ABLIM2: variants seen among roughly 807,000 people sequenced by gnomAD.
ABLIM2 encodes the protein actin-binding LIM protein 2.
A neutral mutation model predicts 97.7 loss-of-function variants in ABLIM2; 53 were observed. The ratio of observed to expected loss-of-function variants is 0.54; its 90% CI spans 0.44 to 0.68. The LOEUF (loss-of-function observed/expected upper bound fraction) is 0.68, where lower values mean the gene tolerates loss of function less well. ABLIM2 is among the 30% of genes least tolerant of loss of function. The pLI is 0.00. For missense variants in ABLIM2, 835 were observed against 867.2 expected, an observed-to-expected ratio of 0.96 and a Z score of 0.47; for synonymous variants, 361 against 345.8, an observed-to-expected ratio of 1.04 and a Z score of -0.49.
At chr4:8,109,867 G>A (rs1181520798) in intron 1 of ABLIM2, among the ~76,000 whole-genome samples, 2 of 152,252 alleles carry the variant, frequency 1.3e-5, no homozygotes, top group South Asian at 2.1e-4. Flanking sequence ...GTCTGCAGCC[G>A]CTGGAGGCCA....
In ABLIM2 at chr4:8,149,180, G is replaced by A. The variant is rs752797928; in HGVS notation, c.10+9500C>T. Among the ~76,000 whole-genome samples the A allele has an allele frequency of 1.3e-5, 2 of 152,190 alleles. No homozygotes were observed. The highest frequency in any genetic ancestry group is 2.4e-5 in the African/African-American group (1 of 41,442). ...CCTCCCTTCATCCTCAGAGCCAGGCGTGGAGACTTCTCTCTCCTCTCTGCT... is the reference window on the plus strand; with the variant it reads ...CCTCCCTTCATCCTCAGAGCCAGGCATGGAGACTTCTCTCTCCTCTCTGCT... On this transcript the variant is annotated intron_variant, in intron 1 of 20. Coordinates refer to ENST00000447017, the MANE Select transcript of ABLIM2 (RefSeq NM_001130083.2). The surrounding 1 kb of genome is among the most constrained non-coding windows in gnomAD (Gnocchi z 6.4).
chr4:8,090,021 C>T (rs1259244227), intron 3 of ABLIM2, among the ~76,000 whole-genome samples: 6 of 152,200 alleles, frequency 3.9e-5, no homozygotes, highest in Non-Finnish European at 8.8e-5. Flanking sequence ...GCATCCAGTA[C>T]CCTCGGTCCA....
At chr4:8,152,362 G>A (rs969034699) in intron 1 of ABLIM2, among the ~76,000 whole-genome samples, 3 of 152,150 alleles carry the variant, frequency 2.0e-5, no homozygotes, top group Non-Finnish European at 4.4e-5. Context: ...GGGACTCGCA[G>A]GCATTTCTTC....
intron 8 of ABLIM2, among the ~76,000 whole-genome samples, chr4:8,052,465 C>A (rs753676108): frequency 6.6e-6 from 1 of 152,238 alleles, no homozygotes. Context: ...AATGTGCCAG[C>A]TAGCTGCTGC....
chr4:7,984,742 G>A (rs988453860), intron 18 of ABLIM2, 97 bp downstream of exon 18: 1 of 1,346,574 alleles, frequency 7.4e-7, no homozygotes, highest in East Asian at 2.6e-5. Context: ...GGAGCCTTCT[G>A]CAGGCTGCGG....
At chr4:8,009,231 G>A (rs1763297208) in intron 14 of ABLIM2, 129 bp from the exon 15 acceptor site, 2 of 1,120,820 alleles carry the variant, frequency 1.8e-6, no homozygotes, top group African/African-American at 1.5e-5. Context: ...TAGTACGAGT[G>A]CCTTTCAAAG....
chr4:8,137,000 T>C (rs553078153), intron 1 of ABLIM2, among the ~76,000 whole-genome samples: 135 of 152,310 alleles, frequency 8.9e-4, no homozygotes, highest in Non-Finnish European at 1.3e-3. Context: ...AAAGAGCTCA[T>C]TGTCCCCTTC....
At position 7,970,691 on chromosome 4, in the gene ABLIM2, C is replaced by T. The variant is rs756343763; in HGVS notation, c.1825-3588G>A. ...GCCCTTGGGGATGACTGTGGGGGGG[C>T]GGTGGAGGGAGCATCTGGGTGGCTT... On this transcript the variant is annotated intron_variant, in intron 20 of 20. Coordinates refer to ENST00000447017, the MANE Select transcript of ABLIM2 (RefSeq NM_001130083.2). The surrounding 1 kb of genome is among the most constrained non-coding windows in gnomAD (Gnocchi z 5.3). Among the ~76,000 whole-genome samples, 3 of 150,216 alleles carry T rather than the reference C, an allele frequency of 2.0e-5. No homozygotes were observed. Among genetic ancestry groups the T allele is most frequent in the Non-Finnish European group, 4.4e-5 (3 of 67,512 alleles).
intron 1 of ABLIM2, among the ~76,000 whole-genome samples, chr4:8,153,897 G>A (rs933959567): frequency 4.0e-5 from 6 of 151,652 alleles, no homozygotes; most frequent in Non-Finnish European, 8.8e-5. Flanking sequence ...CACTGTTTCT[G>A]TAGAGTTGAC....
Position 8,125,484 on chromosome 4 carries a change from C to T in ABLIM2, c.11-18847G>A, listed in dbSNP as rs1847451251. On this transcript the variant is annotated intron_variant, in intron 1 of 20. Transcript: ENST00000447017. This position sits in a 1 kb window ranked among gnomAD's most constrained non-coding sequence, Gnocchi z 6.2. ...CTGATGGCCGCAGGTTTGCCTGGGG[C>T]CTTGGTGCCAGACTGCTTCTGGGAT... 6.6e-6 allele frequency among the ~76,000 whole-genome samples: 1 copy of T among 152,212 alleles called. No homozygotes were observed. The highest frequency in any genetic ancestry group is 2.1e-4 in the South Asian group (1 of 4,828).
chr4:8,064,058 A>G (rs1197217211), intron 6 of ABLIM2, among the ~76,000 whole-genome samples: 2 of 152,226 alleles, frequency 1.3e-5, no homozygotes, highest in Non-Finnish European at 2.9e-5. Flanking sequence ...GATCCTAGCC[A>G]ATAGAGGAAA....
At chr4:7,988,211 C>T (rs748765358) in intron 17 of ABLIM2, among the ~76,000 whole-genome samples, 1 of 152,032 alleles carries the variant, frequency 6.6e-6, no homozygotes, top group African/African-American at 2.4e-5. Flanking sequence ...TTAGTAGAGA[C>T]AGGGTTTCAC....
rs1232643608 is a variant in ABLIM2, at chr4:7,978,225, C to T, written c.1824+5039G>A. ...TCTCAGCCCGAGGCAGACAGGCAGC[C>T]GCTGCTGAGAAAAGAGGGGCATTCC... is the stretch of plus-strand genomic sequence containing the variant. On this transcript the variant is annotated intron_variant, in intron 20 of 20. Transcript: ENST00000447017. Among the ~76,000 whole-genome samples, 8 of 152,246 alleles carry T rather than the reference C, an allele frequency of 5.3e-5. No homozygotes were observed. The South Asian group carries it at 8.3e-4, about 16-fold the overall frequency.
At chr4:8,070,757 A>C (rs1811427794) in intron 6 of ABLIM2, among the ~76,000 whole-genome samples, 1 of 151,812 alleles carries the variant, frequency 6.6e-6, no homozygotes, top group Non-Finnish European at 1.5e-5. Flanking sequence ...TCTAGAAGGG[A>C]GTGGTTGACT....
At position 8,084,912 on chromosome 4, in the gene ABLIM2, C is replaced by T. The variant is rs1247549355; in HGVS notation, c.454+3257G>A. On this transcript the variant is annotated intron_variant, in intron 4 of 20. Transcript: ENST00000447017. ...GCTGCCTCTGGTTCGGCACGGCGCTCGCACTCTGCGACGGCCGCCCTGTGA... is the reference window on the plus strand; with the variant it reads ...GCTGCCTCTGGTTCGGCACGGCGCTTGCACTCTGCGACGGCCGCCCTGTGA... 4.6e-5 allele frequency among the ~76,000 whole-genome samples: 7 copies of T among 152,220 alleles called. No individual in the cohort carries two copies. In the East Asian group the frequency reaches 5.8e-4, roughly 13 times the overall value.
rs918411397 is a variant in ABLIM2 at position 8,004,849 on chromosome 4, T to A, written c.1618+3210A>T. 6.6e-6 allele frequency among the ~76,000 whole-genome samples: 1 copy of A among 152,124 alleles called. No homozygotes were observed. The highest frequency in any genetic ancestry group is 2.4e-5 in the African/African-American group (1 of 41,400). The stretch of plus-strand genomic sequence containing the variant: ...TAAACAGGAACAGAAAAGCAGTCAA[T>A]AATAAAATATAGATTTCACTATGAC... On this transcript the variant is annotated intron_variant, in intron 16 of 20. Coordinates refer to ENST00000447017, the MANE Select transcript of ABLIM2 (RefSeq NM_001130083.2). This position sits in a 1 kb window ranked among gnomAD's most constrained non-coding sequence, Gnocchi z 5.9.
At chr4:8,047,902 G>A (rs2151834804) in intron 8 of ABLIM2, among the ~76,000 whole-genome samples, 1 of 152,336 alleles carries the variant, frequency 6.6e-6, no homozygotes, top group East Asian at 1.9e-4. Context: ...CAAAGCAGAT[G>A]AACATTGGGT....
At chr4:8,099,943 GACA>G (rs1366424569) in intron 2 of ABLIM2, among the ~76,000 whole-genome samples, 1 of 152,194 alleles carries the variant, frequency 6.6e-6, no homozygotes, top group Non-Finnish European at 1.5e-5. Context: ...TCCTTATGGA[GACA>G]ACACATTGTT....
intron 1 of ABLIM2, among the ~76,000 whole-genome samples, chr4:8,129,121 C>G (rs1022811605): frequency 6.6e-6 from 1 of 152,178 alleles, no homozygotes; most frequent in Non-Finnish European, 1.5e-5. Context: ...GAAGACCACA[C>G]ATGGTGGGCT....
Sources: allele counts gnomAD v4.1 joint callset (sites outside exome capture counted in the v4.1 genomes callset), GRCh38; gene constraint gnomAD v4.1.1; non-coding constraint Gnocchi (gnomAD v3.1); transcripts MANE v1.5; gene names NCBI Gene and HGNC (gene_info 2026-07-23, HGNC 2026-07-21).